Variants in CNIH3 observed in about 807,000 individuals in gnomAD.
CNIH3 encodes cornichon family AMPA receptor auxiliary protein 3, also known as protein cornichon homolog 3.
CNIH3 carries 14 observed loss-of-function variants against 24.1 expected under a neutral mutation model. That is an observed-to-expected ratio of 0.58 (90% CI 0.38 to 0.91). The LOEUF is 0.91. Ranked by LOEUF, CNIH3 falls within the 40% of genes least tolerant of loss-of-function variation. CNIH3 has a pLI of 0.00. For synonymous variants in CNIH3, 68 were observed against 73.8 expected, an observed-to-expected ratio of 0.92 and a Z score of 0.40; for missense variants, 178 against 196.8, an observed-to-expected ratio of 0.90 and a Z score of 0.57.
intron 1 of CNIH3, among the ~76,000 whole-genome samples, chr1:224,678,823 A>G (rs956628500): frequency 2.6e-5 from 4 of 152,118 alleles, no homozygotes; most frequent in African/African-American, 9.7e-5. Context: ...AAGCTTTAAT[A>G]GCTGCATGTG....
At chr1:224,546,600 T>G (rs1456293113) in intron 2 of CNIH3, among the ~76,000 whole-genome samples, 1 of 152,226 alleles carries the variant, frequency 6.6e-6, no homozygotes, top group Non-Finnish European at 1.5e-5. Context: ...AGTTCCATTC[T>G]GACCCAGTGT....
downstream of CNIH3, chr1:224,537,319 T>C (rs1679325865): frequency 6.6e-6 from 1 of 152,260 alleles, no homozygotes; most frequent in African/African-American, 2.4e-5. Context: ...TCTGATTGCT[T>C]TCTCTGCCTT....
At chr1:224,491,042 C>T (rs1372909057) in intron 1 of CNIH3, among the ~76,000 whole-genome samples, 2 of 152,144 alleles carry the variant, frequency 1.3e-5, no homozygotes, top group African/African-American at 2.4e-5. Context: ...TTGTTACAGG[C>T]GCATACTCCT....
chr1:224,467,067 C>G (rs1245313046), intron 1 of CNIH3, among the ~76,000 whole-genome samples: 3 of 152,074 alleles, frequency 2.0e-5, no homozygotes, highest in East Asian at 3.9e-4. Context: ...ACTCTGTTAC[C>G]CATGCTGGAG....
intron 1 of CNIH3, among the ~76,000 whole-genome samples, chr1:224,478,583 C>T (rs900562782): frequency 2.0e-5 from 3 of 152,128 alleles, no homozygotes; most frequent in African/African-American, 7.2e-5. Context: ...TGAGTTTTCT[C>T]TAAACAGATA....
At chr1:224,499,530 T>C (rs1408065940) in intron 1 of CNIH3, among the ~76,000 whole-genome samples, 1 of 152,210 alleles carries the variant, frequency 6.6e-6, no homozygotes, top group Non-Finnish European at 1.5e-5. Context: ...AAAACAGATT[T>C]GATGTGCCAC....
chr1:224,579,311 AG>A (rs1681173233), intron 4 of CNIH3, among the ~76,000 whole-genome samples: 1 of 152,162 alleles, frequency 6.6e-6, no homozygotes, highest in Non-Finnish European at 1.5e-5. Flanking sequence ...TGCCGCAATG[AG>A]TCTCAGCCCA....
chr1:224,722,592 C>T (rs1166223642), intron 3 of CNIH3, among the ~76,000 whole-genome samples: 1 of 152,142 alleles, frequency 6.6e-6, no homozygotes, highest in African/African-American at 2.4e-5. Flanking sequence ...GCAGGGTTCT[C>T]AGTGGCTTAC....
intron 1 of CNIH3, among the ~76,000 whole-genome samples, chr1:224,649,697 C>G (rs1032026498): frequency 2.6e-5 from 4 of 152,136 alleles, no homozygotes; most frequent in Admixed American, 6.5e-5. Flanking sequence ...GAAAGAAATC[C>G]CAGCGGTTCC....
chr1:224,690,409 C>T (rs1572729786), intron 3 of CNIH3, among the ~76,000 whole-genome samples: 2 of 152,122 alleles, frequency 1.3e-5, no homozygotes, highest in East Asian at 3.9e-4. Context: ...CCATGTTGGC[C>T]AGGCTGGTCT....
intron 1 of CNIH3, among the ~76,000 whole-genome samples, chr1:224,496,870 C>T (rs1677461392): frequency 6.6e-6 from 1 of 152,172 alleles, no homozygotes; most frequent in Admixed American, 6.5e-5. Flanking sequence ...TATAAAAACT[C>T]TAGGAATTCC....
intron 4 of CNIH3, among the ~76,000 whole-genome samples, chr1:224,576,678 C>A (rs973963620): frequency 2.6e-5 from 4 of 152,158 alleles, no homozygotes; most frequent in African/African-American, 9.7e-5. Flanking sequence ...TCCTGTAAAG[C>A]CTTTTGTTTT....
chr1:224,531,807 C>G (rs1679081404), intron 2 of CNIH3, among the ~76,000 whole-genome samples: 1 of 152,096 alleles, frequency 6.6e-6, no homozygotes, highest in African/African-American at 2.4e-5. Flanking sequence ...GGGTCTGCAG[C>G]ACAGAGGCAG....
chr1:224,517,099 G>T (rs1678420734), intron 1 of CNIH3, among the ~76,000 whole-genome samples: 1 of 152,042 alleles, frequency 6.6e-6, no homozygotes, highest in South Asian at 2.1e-4. Flanking sequence ...TTGTTTGTTT[G>T]TTAGTTTTTT....
intron 4 of CNIH3, among the ~76,000 whole-genome samples, chr1:224,573,830 T>C (rs992078605): frequency 6.6e-6 from 1 of 152,194 alleles, no homozygotes; most frequent in African/African-American, 2.4e-5. Flanking sequence ...TGAGTTCTTA[T>C]TAACTAGGAA....
Position 224,695,802 on chromosome 1 carries a change from A to G in CNIH3, c.198+10959A>G, listed in dbSNP as rs143237285. Among the ~76,000 whole-genome samples the G allele has an allele frequency of 5.1e-3, 775 of 152,336 alleles. 3 individuals carry two copies. Among genetic ancestry groups the G allele is most frequent in the Non-Finnish European group, 6.8e-3 (464 of 68,034 alleles). The stretch of plus-strand genomic sequence containing the variant: ...CTAGGCTGGTCCCCTTACTGCATTC[A>G]TCGGCAGAGGCAGAGCAGATTGTCA... On this transcript the variant is annotated intron_variant, in intron 3 of 5. Coordinates refer to ENST00000272133, the MANE Select transcript of CNIH3 (RefSeq NM_152495.2).
At chr1:224,445,837 A>G (rs1287025045) in intron 1 of CNIH3, among the ~76,000 whole-genome samples, 1 of 152,152 alleles carries the variant, frequency 6.6e-6, no homozygotes, top group African/African-American at 2.4e-5. Context: ...AAGGGCATAA[A>G]TATATTCTTC....
chr1:224,580,775 A>G (rs1464447628), intron 4 of CNIH3, among the ~76,000 whole-genome samples: 2 of 151,560 alleles, frequency 1.3e-5, no homozygotes, highest in South Asian at 2.1e-4. Flanking sequence ...TGCAGTGGCC[A>G]CAGCCTGATG....
At chr1:224,509,780 G>A (rs1572385585) in intron 1 of CNIH3, among the ~76,000 whole-genome samples, 1 of 152,168 alleles carries the variant, frequency 6.6e-6, no homozygotes, top group South Asian at 2.1e-4. Context: ...TGCCCCCCTC[G>A]CCTGAAGTCT....
Sources: gnomAD v4.1 joint callset for allele counts (sites outside exome capture counted in the v4.1 genomes callset) on GRCh38, gnomAD v4.1.1 for gene constraint, MANE v1.5 for transcripts, NCBI Gene and HGNC (gene_info 2026-07-23, HGNC 2026-07-21) for gene names.